The following NRXN1 variants were observed in gnomAD, a reference collection of about 807,000 sequenced individuals.
NRXN1 encodes neurexin-1.
NRXN1 carries 39 observed loss-of-function variants against 150.9 expected under a neutral mutation model. The observed-to-expected ratio is 0.26, with a 90% CI of 0.20 to 0.34. The LOEUF is 0.34. Ranked by LOEUF, NRXN1 falls within the 10% of genes least tolerant of loss-of-function variation. The pLI is 1.00. For synonymous variants in NRXN1, 924 were observed against 757.0 expected (o/e 1.22, Z -3.62); for missense variants, 1,815 against 1,949.9 (o/e 0.93, Z 1.30).
chr2:50,096,489 G>C lies in NRXN1; in HGVS notation c.3547-4995C>G, dbSNP rs1405435407. Among the ~76,000 whole-genome samples, 3 of 152,288 alleles carry C rather than the reference G, an allele frequency of 2.0e-5. No individual in the cohort carries two copies. The East Asian group carries it at 5.8e-4, about 29-fold the overall frequency. On this transcript the variant is annotated intron_variant, in intron 18 of 22. Transcript: ENST00000401669. ...ACTCTTATTCTCTGGGATTAAATATGATTGTCTTGGCAAATTCTCATGAAT... is the reference window on the plus strand; with the variant it reads ...ACTCTTATTCTCTGGGATTAAATATCATTGTCTTGGCAAATTCTCATGAAT...
chr2:50,568,520 T>C (rs1254119833), intron 8 of NRXN1, among the ~76,000 whole-genome samples: 1 of 152,042 alleles, frequency 6.6e-6, no homozygotes, highest in Admixed American at 6.6e-5. Context: ...CATACAAATG[T>C]CAAAGAGGTA....
At chr2:50,783,085 GA>G (rs1343217088) in intron 5 of NRXN1, among the ~76,000 whole-genome samples, 1 of 152,028 alleles carries the variant, frequency 6.6e-6, no homozygotes, top group Non-Finnish European at 1.5e-5. Flanking sequence ...ATGAATTTTG[GA>G]AAAGTTATGT....
chr2:50,817,039 C>T (rs1439620432), intron 5 of NRXN1, among the ~76,000 whole-genome samples: 2 of 151,946 alleles, frequency 1.3e-5, no homozygotes, highest in Non-Finnish European at 2.9e-5. Context: ...GAAAAAGGGT[C>T]ATGAGGAAGG....
chr2:50,013,229 A>C (rs1026705441), intron 21 of NRXN1, among the ~76,000 whole-genome samples: 1 of 147,910 alleles, frequency 6.8e-6, no homozygotes, highest in African/African-American at 2.5e-5. Flanking sequence ...AATACTACAA[A>C]GGGGTTTTCG....
intron 2 of NRXN1, among the ~76,000 whole-genome samples, chr2:50,973,520 C>T (rs941820954): frequency 1.2e-4 from 18 of 152,038 alleles, no homozygotes; most frequent in Admixed American, 8.5e-4. Context: ...TTATCTGATT[C>T]GGGAGTCATT....
At chr2:50,173,436 C>T (rs1418543569) in intron 18 of NRXN1, among the ~76,000 whole-genome samples, 1 of 152,142 alleles carries the variant, frequency 6.6e-6, no homozygotes, top group African/African-American at 2.4e-5. Context: ...TGATGACATA[C>T]AAGACTCCTA....
chr2:50,796,466 C>G (rs1226938946), intron 5 of NRXN1, among the ~76,000 whole-genome samples: 2 of 152,144 alleles, frequency 1.3e-5, no homozygotes, highest in African/African-American at 4.8e-5. Flanking sequence ...CTCCTTCTCT[C>G]TACTTCACCA....
At chr2:50,539,565 G>C (rs61584460) in intron 9 of NRXN1, among the ~76,000 whole-genome samples, 1 of 151,970 alleles carries the variant, frequency 6.6e-6, no homozygotes, top group African/African-American at 2.4e-5. Context: ...TGATCAAAAC[G>C]TGCATACACA....
At chr2:50,388,514 A>C (rs1455273986) in intron 17 of NRXN1, among the ~76,000 whole-genome samples, 1 of 152,080 alleles carries the variant, frequency 6.6e-6, no homozygotes, top group East Asian at 1.9e-4. Flanking sequence ...TATACAAACC[A>C]GGGTTTGGCT....
intron 2 of NRXN1, among the ~76,000 whole-genome samples, chr2:50,941,639 G>A (rs1052657859): frequency 1.6e-4 from 24 of 152,188 alleles, no homozygotes; most frequent in Admixed American, 1.6e-3. Flanking sequence ...GACTTAACAT[G>A]TCTGGCAGAA....
At chr2:50,056,253 T>C (rs1693598037) in intron 19 of NRXN1, among the ~76,000 whole-genome samples, 1 of 152,140 alleles carries the variant, frequency 6.6e-6, no homozygotes, top group Admixed American at 6.6e-5. Context: ...TGATTTACAA[T>C]AATTTATAAG....
intron 16 of NRXN1, among the ~76,000 whole-genome samples, chr2:50,468,676 C>T (rs2089168415): frequency 6.6e-6 from 1 of 151,450 alleles, no homozygotes; most frequent in Non-Finnish European, 1.5e-5. Context: ...TTAGGTGTCT[C>T]TGCTTTCAAG....
intron 21 of NRXN1, among the ~76,000 whole-genome samples, chr2:50,005,034 T>G (rs1684537702): frequency 1.3e-5 from 2 of 152,128 alleles, no homozygotes. Context: ...TGCAGCCAGG[T>G]GATAATCCAC....
chr2:51,022,098 CAAG>C (rs1374120865), intron 2 of NRXN1, among the ~76,000 whole-genome samples: 2 of 151,826 alleles, frequency 1.3e-5, no homozygotes, highest in African/African-American at 4.8e-5. Flanking sequence ...TCCTTTTAGA[CAAG>C]AAGAAGTTCT....
At chr2:50,961,411 G>A (rs1356352974) in intron 2 of NRXN1, among the ~76,000 whole-genome samples, 1 of 151,692 alleles carries the variant, frequency 6.6e-6, no homozygotes, top group Non-Finnish European at 1.5e-5. Context: ...TTATATATGA[G>A]ATGGATCCAT....
intron 8 of NRXN1, among the ~76,000 whole-genome samples, chr2:50,602,310 G>T (rs1235282076): frequency 1.3e-5 from 2 of 151,820 alleles, no homozygotes; most frequent in Non-Finnish European, 2.9e-5. Flanking sequence ...AGAGGGTAGA[G>T]ATCTCTTCCT....
At chr2:50,054,170 G>A (rs1182322105) in intron 20 of NRXN1, among the ~76,000 whole-genome samples, 2 of 151,968 alleles carry the variant, frequency 1.3e-5, no homozygotes, top group South Asian at 2.1e-4. Context: ...TTTACACTGA[G>A]CATGTCAGAG....
intron 17 of NRXN1, among the ~76,000 whole-genome samples, chr2:50,320,364 A>C (rs2152973600): frequency 7.7e-6 from 1 of 130,530 alleles, no homozygotes; most frequent in African/African-American, 2.8e-5. Flanking sequence ...TGGGAGTAGG[A>C]ATGGGTTTGT....
chr2:50,728,907 G>A (rs957465924), intron 5 of NRXN1, among the ~76,000 whole-genome samples: 2 of 152,132 alleles, frequency 1.3e-5, no homozygotes, highest in Non-Finnish European at 2.9e-5. Context: ...AAAGAGTCTT[G>A]AGTGCATGGT....
Sources: gnomAD v4.1 joint callset for allele counts (sites outside exome capture counted in the v4.1 genomes callset) on GRCh38, gnomAD v4.1.1 for gene constraint, MANE v1.5 for transcripts, NCBI Gene and HGNC (gene_info 2026-07-23, HGNC 2026-07-21) for gene names.